The following DCC variants were observed in gnomAD, a reference collection of about 807,000 sequenced individuals.
The protein encoded by DCC is DCC netrin 1 receptor.
Under a neutral mutation model 172.5 loss-of-function variants are expected in DCC, and 58 were observed. That is an observed-to-expected ratio of 0.34 (90% CI 0.27 to 0.42). DCC has a LOEUF of 0.42. Among genes scored for constraint, DCC ranks in the 10% least tolerant of loss-of-function variants. The pLI is 1.00. For missense variants in DCC, 1,740 were observed against 1,791.0 expected, an observed-to-expected ratio of 0.97 and a Z score of 0.51; for synonymous variants, 709 against 644.5, an observed-to-expected ratio of 1.10 and a Z score of -1.52.
chr18:52,520,501 T>C (rs769434386), intron 1 of DCC, among the ~76,000 whole-genome samples: 12 of 152,152 alleles, frequency 7.9e-5, no homozygotes, highest in Admixed American at 2.0e-4. Flanking sequence ...AATGGTAGGG[T>C]TTCCCGGAGA....
intron 1 of DCC, among the ~76,000 whole-genome samples, chr18:52,684,287 G>C (rs952662485): frequency 1.3e-5 from 2 of 152,022 alleles, no homozygotes; most frequent in African/African-American, 4.8e-5. Context: ...TGGGGTTAGC[G>C]AGTTTGATGG....
At chr18:52,778,319 T>C (rs994921768) in intron 2 of DCC, among the ~76,000 whole-genome samples, 6 of 152,344 alleles carry the variant, frequency 3.9e-5, no homozygotes, top group Non-Finnish European at 5.9e-5. Context: ...GTTGCATGCC[T>C]TGGGAATGTC....
chr18:52,489,504 G>A lies in DCC; in HGVS notation c.91+148626G>A, dbSNP rs146493415. ...TTATATGCTGAGATCTCAAAAACGT[G>A]AGAGGTAAATCTTTCTGTTGAATTA... On this transcript the variant is annotated intron_variant, in intron 1 of 28. Transcript: ENST00000442544. 1.6e-3 allele frequency among the ~76,000 whole-genome samples: 249 copies of A among 152,236 alleles called. 2 individuals carry two copies. Among genetic ancestry groups the A allele is most frequent in the Non-Finnish European group, 6.2e-4 (42 of 67,986 alleles).
At chr18:53,197,918 G>T (rs1021932659) in intron 9 of DCC, among the ~76,000 whole-genome samples, 1 of 152,016 alleles carries the variant, frequency 6.6e-6, no homozygotes, top group African/African-American at 2.4e-5. Flanking sequence ...ATTATCAGGA[G>T]CCCCAACATC....
At chr18:52,541,861 T>C (rs1288986029) in intron 1 of DCC, among the ~76,000 whole-genome samples, 1 of 72,540 alleles carries the variant, frequency 1.4e-5, no homozygotes, top group Non-Finnish European at 2.8e-5. Context: ...TAAAAGTATA[T>C]GATGTGTGTG....
intron 25 of DCC, among the ~76,000 whole-genome samples, chr18:53,477,581 T>A (rs112631099): frequency 0.056 from 8,590 of 152,260 alleles, 816 homozygotes; most frequent in African/African-American, 0.19. Context: ...TCATTATTCC[T>A]ATAAGATTGT....
At chr18:53,206,760 A>C (rs1393073382) in intron 10 of DCC, among the ~76,000 whole-genome samples, 1 of 150,596 alleles carries the variant, frequency 6.6e-6, no homozygotes, top group Non-Finnish European at 1.5e-5. Context: ...TATATTCAAT[A>C]GTTAAATCAA....
At chr18:53,446,627 A>T (rs1055553795) in intron 22 of DCC, among the ~76,000 whole-genome samples, 6 of 152,170 alleles carry the variant, frequency 3.9e-5, no homozygotes, top group Admixed American at 3.3e-4. Flanking sequence ...TTGTGAATTT[A>T]CCTGCATGCT....
intron 2 of DCC, among the ~76,000 whole-genome samples, chr18:52,806,932 C>A (rs1199488930): frequency 1.3e-5 from 2 of 152,134 alleles, no homozygotes; most frequent in Admixed American, 1.3e-4. Flanking sequence ...CAGTGGCTCA[C>A]GCCTGTAATC....
chr18:53,425,926 C>T (rs1444315506), intron 21 of DCC, among the ~76,000 whole-genome samples: 1 of 152,028 alleles, frequency 6.6e-6, no homozygotes, highest in African/African-American at 2.4e-5. Context: ...TGTAATTAGT[C>T]AGAGTTTTGC....
At chr18:53,178,090 G>A (rs562278025) in intron 8 of DCC, among the ~76,000 whole-genome samples, 119 of 152,136 alleles carry the variant, frequency 7.8e-4, no homozygotes, top group Non-Finnish European at 1.4e-3. Context: ...CTTAGAGGAA[G>A]TGCCTTCTTC....
chr18:52,815,411 T>TACACACACACACACACACACACACAC (rs34924244), intron 2 of DCC, among the ~76,000 whole-genome samples: 12 of 150,116 alleles, frequency 8.0e-5, no homozygotes, highest in African/African-American at 2.9e-4. Flanking sequence ...TTCTCACACG[T>TACACACACACACACACACACACACAC]ACACACACAC....
chr18:52,792,104 A>G (rs757191547), intron 2 of DCC, among the ~76,000 whole-genome samples: 1 of 151,986 alleles, frequency 6.6e-6, no homozygotes, highest in Non-Finnish European at 1.5e-5. Flanking sequence ...CCTCATGGAG[A>G]GAGTACCTAT....
At chr18:52,921,351 T>C (rs2040122142) in intron 3 of DCC, among the ~76,000 whole-genome samples, 1 of 150,728 alleles carries the variant, frequency 6.6e-6, no homozygotes, top group Non-Finnish European at 1.5e-5. Context: ...TTAAATAAAA[T>C]ATTAAATAAC....
At chr18:53,062,010 A>G (rs2042501840) in intron 5 of DCC, among the ~76,000 whole-genome samples, 1 of 152,088 alleles carries the variant, frequency 6.6e-6, no homozygotes, top group South Asian at 2.1e-4. Flanking sequence ...AATATTTCTG[A>G]TATCTTTTGG....
At chr18:53,341,801 C>T (rs1232529689) in intron 15 of DCC, among the ~76,000 whole-genome samples, 1 of 152,138 alleles carries the variant, frequency 6.6e-6, no homozygotes, top group African/African-American at 2.4e-5. Flanking sequence ...AGTCCACGTT[C>T]ATGCTGCAAA....
intron 9 of DCC, among the ~76,000 whole-genome samples, chr18:53,197,663 GC>G (rs1426729855): frequency 4.0e-5 from 6 of 151,810 alleles, no homozygotes; most frequent in African/African-American, 1.5e-4. Flanking sequence ...TCCTTCTAAA[GC>G]TTTTTCTTTG....
chr18:52,680,556 T>A (rs548598720), intron 1 of DCC, among the ~76,000 whole-genome samples: 1 of 152,122 alleles, frequency 6.6e-6, no homozygotes, highest in Non-Finnish European at 1.5e-5. Flanking sequence ...AATACCTTAA[T>A]TGAGATTAAT....
chr18:53,077,642 A>G (rs758678916), intron 7 of DCC, among the ~76,000 whole-genome samples: 1 of 152,070 alleles, frequency 6.6e-6, no homozygotes, highest in Non-Finnish European at 1.5e-5. Flanking sequence ...TTACTTTGTG[A>G]GTAGGGAAAC....
Sources: allele counts gnomAD v4.1 joint callset (sites outside exome capture counted in the v4.1 genomes callset), GRCh38; gene constraint gnomAD v4.1.1; transcripts MANE v1.5; gene names NCBI Gene and HGNC (gene_info 2026-07-23, HGNC 2026-07-21).